XPO7: variants seen among roughly 807,000 people sequenced by gnomAD.
XPO7 encodes exportin-7.
A neutral mutation model predicts 144.3 loss-of-function variants in XPO7; 21 were observed. That is an observed-to-expected ratio of 0.15 (90% CI 0.10 to 0.21). The LOEUF is 0.21. Among genes scored for constraint, XPO7 ranks in the 10% least tolerant of loss-of-function variants. The pLI, the probability that XPO7 is intolerant of heterozygous loss-of-function variation, is 1.00. For synonymous variants in XPO7, 580 were observed against 499.6 expected (o/e 1.16, Z -2.15); for missense variants, 808 against 1,325.8 (o/e 0.61, Z 6.06).
intron 1 of XPO7, among the ~76,000 whole-genome samples, chr8:21,957,931 A>G (rs1011171285): frequency 6.6e-6 from 1 of 151,548 alleles, no homozygotes; most frequent in Admixed American, 6.6e-5. Flanking sequence ...TTTTGTTGGT[A>G]ATTCCACTGC....
intron 19 of XPO7, 92 bp downstream of exon 19, chr8:21,992,066 C>T: frequency 1.1e-6 from 1 of 886,758 alleles, no homozygotes; most frequent in East Asian, 2.8e-5. Flanking sequence ...TATCCACTGC[C>T]ATAGCTTTTT....
At chr8:21,999,363 C>T (rs1466426369) in intron 23 of XPO7, 58 bp downstream of exon 23, 1 of 1,600,976 alleles carries the variant, frequency 6.2e-7, no homozygotes, top group African/African-American at 1.3e-5. Context: ...GCCTTTTTCA[C>T]CTGAGACCAA....
At chr8:21,991,694 A>G in intron 18 of XPO7, 174 bp from the exon 19 acceptor site, 4 of 471,348 alleles carry the variant, frequency 8.5e-6, no homozygotes, top group Middle Eastern at 5.6e-4. Flanking sequence ...TAGTTTAAAA[A>G]TTCTGTTTCT....
Position 21,971,878 on chromosome 8 carries a change from T to C in XPO7, c.429T>C (p.Asp143=), listed in dbSNP as rs1487216394. 1 of 1,612,374 alleles carries C rather than the reference T, an allele frequency of 6.2e-7. No homozygotes were observed. Among genetic ancestry groups the C allele is most frequent in the East Asian group, 2.2e-5 (1 of 44,858 alleles). ...AITDVTRFLQ[D]SVEYCIIGVT... ...TACCTTATACTTTTTTTAACCAGGA[T>C]AGTGTTGAATACTGCATCATTGGTG... Residue 143 remains aspartate (D), a splice_region_variant and synonymous_variant, in exon 5 of 28, where the codon GAT becomes GAC. Transcript: ENST00000252512.
At chr8:22,003,826 T>G in intron 26 of XPO7, 77 bp from the exon 27 acceptor site, 4 of 1,595,158 alleles carry the variant, frequency 2.5e-6, no homozygotes, top group Non-Finnish European at 3.4e-6. Flanking sequence ...AGAACATTCT[T>G]CAACCCTGCA....
At chr8:21,990,260 T>C (rs1812726103) in intron 16 of XPO7, 84 bp from the exon 17 acceptor site, 2 of 1,368,500 alleles carry the variant, frequency 1.5e-6, no homozygotes, top group African/African-American at 2.9e-5. Context: ...TTGGGTGAAC[T>C]GTCCTTTATT....
intron 1 of XPO7, among the ~76,000 whole-genome samples, chr8:21,960,284 C>A (rs186667310): frequency 7.9e-5 from 12 of 152,324 alleles, no homozygotes; most frequent in Admixed American, 7.8e-4. Context: ...ACTGTGGGCC[C>A]GTTTCAGGGC....
rs186592547 is a variant in XPO7 at position 21,997,293 on chromosome 8, G to C, written c.2346-1462G>C. Among the ~76,000 whole-genome samples the C allele has an allele frequency of 1.5e-3, 232 of 152,292 alleles. 2 individuals carry two copies. Among genetic ancestry groups the C allele is most frequent in the Non-Finnish European group, 1.6e-3 (110 of 68,032 alleles). The stretch of plus-strand genomic sequence containing the variant: ...TCTACCCTCTTTGATGTTACAAATG[G>C]TGGGGAAGACACACAATAAAAACAA... On this transcript the variant is annotated intron_variant, in intron 21 of 27. Transcript: ENST00000252512.
chr8:21,972,740 C>A (rs1446720937), intron 5 of XPO7, among the ~76,000 whole-genome samples: 4 of 152,214 alleles, frequency 2.6e-5, no homozygotes, highest in African/African-American at 9.6e-5. Flanking sequence ...AACATCTCAC[C>A]CTTAAGTTGG....
intron 1 of XPO7, among the ~76,000 whole-genome samples, chr8:21,962,286 T>A (rs1157265098): frequency 1.3e-5 from 2 of 152,306 alleles, no homozygotes; most frequent in South Asian, 4.1e-4. Context: ...TCATATAAAT[T>A]TATAAACAAG....
intron 24 of XPO7, among the ~76,000 whole-genome samples, chr8:22,001,024 T>C (rs553276771): frequency 1.6e-4 from 25 of 152,262 alleles, no homozygotes; most frequent in African/African-American, 5.5e-4. Context: ...TTATGTCTTA[T>C]TGAAAATACA....
At position 21,980,222 on chromosome 8, in the gene XPO7, T is replaced by G; in HGVS notation, c.957+19T>G. The stretch of plus-strand genomic sequence containing the variant: ...CCCACAGGTAAGTTTATCTGAGAAT[T>G]TACATATGTATAGGATTAGTGTATG... On this transcript the variant is annotated intron_variant, in intron 9 of 27. Transcript: ENST00000252512. 6.4e-7 allele frequency: 1 copy of G among 1,565,058 alleles called. No individual in the cohort carries two copies. Among genetic ancestry groups the G allele is most frequent in the African/African-American group, 1.4e-5 (1 of 74,032 alleles).
At chr8:21,984,945 C>T in intron 12 of XPO7, 106 bp downstream of exon 12, 1 of 1,236,706 alleles carries the variant, frequency 8.1e-7, no homozygotes, top group Non-Finnish European at 1.1e-6. Context: ...AGGATTCTTT[C>T]ATCATCTGTT....
chr8:21,977,689 C>T (rs1013726008), intron 7 of XPO7, 81 bp from the exon 8 acceptor site: 6 of 1,302,552 alleles, frequency 4.6e-6, no homozygotes, highest in African/African-American at 1.5e-5. Flanking sequence ...GGATGTGCTC[C>T]CTGATGTATA....
rs757999808 is a variant in XPO7 at position 21,999,155 on chromosome 8, C to A, written c.2493C>A (p.Gly831=). 4 of 1,613,988 alleles carry A rather than the reference C, an allele frequency of 2.5e-6. No homozygotes were observed. Among genetic ancestry groups the A allele is most frequent in the Middle Eastern group, 1.6e-4 (1 of 6,062 alleles). Residue 831 remains glycine (G), a synonymous_variant, in exon 23 of 28, where the codon GGC becomes GGA. Coordinates refer to ENST00000252512, the MANE Select transcript of XPO7 (RefSeq NM_015024.5). The part of the protein sequence containing the change: ...KDQVYALKLK[G]ISICFSMLKA... Reference sequence around the variant, plus strand: ...AGGTCTATGCTCTGAAGCTCAAGGGCATCTCCATCTGCTTCTCCATGCTGA... The same window carrying A: ...AGGTCTATGCTCTGAAGCTCAAGGGAATCTCCATCTGCTTCTCCATGCTGA...
At chr8:21,944,964 T>C (rs979800510) in intron 1 of XPO7, among the ~76,000 whole-genome samples, 1 of 152,212 alleles carries the variant, frequency 6.6e-6, no homozygotes, top group Non-Finnish European at 1.5e-5. Context: ...GCAGTATAAT[T>C]TTTCTTAGTA....
intron 1 of XPO7, among the ~76,000 whole-genome samples, chr8:21,922,376 CTG>C (rs1249402802): frequency 1.3e-5 from 2 of 152,256 alleles, no homozygotes; most frequent in East Asian, 1.9e-4. Flanking sequence ...AGGCAAGTGT[CTG>C]TAGAAGTGTG....
intron 1 of XPO7, among the ~76,000 whole-genome samples, chr8:21,949,615 G>A (rs1811304391): frequency 6.6e-6 from 1 of 152,234 alleles, no homozygotes; most frequent in Non-Finnish European, 1.5e-5. Flanking sequence ...TAGTGTTAAA[G>A]GCCACGTGGT....
At chr8:21,949,850 C>G (rs995591722) in intron 1 of XPO7, among the ~76,000 whole-genome samples, 3 of 152,226 alleles carry the variant, frequency 2.0e-5, no homozygotes, top group African/African-American at 7.2e-5. Flanking sequence ...CTGCCTTAGC[C>G]TCCCGAATAG....
Sources: gnomAD v4.1 joint callset for allele counts (sites outside exome capture counted in the v4.1 genomes callset) on GRCh38, gnomAD v4.1.1 for gene constraint, MANE v1.5 for transcripts, NCBI Gene and HGNC (gene_info 2026-07-23, HGNC 2026-07-21) for gene names.